The following TCF12 variants were observed in gnomAD, a reference collection of about 807,000 sequenced individuals.
TCF12 encodes DNA-binding protein HTF4.
A neutral mutation model predicts 86.0 loss-of-function variants in TCF12; 45 were observed. That is an observed-to-expected ratio of 0.52 (90% CI 0.41 to 0.67). The LOEUF is 0.67. TCF12 is among the 30% of genes least tolerant of loss of function. The pLI is 0.00. For synonymous variants in TCF12, 330 were observed against 299.6 expected, an observed-to-expected ratio of 1.10 and a Z score of -1.05; for missense variants, 881 against 859.9, an observed-to-expected ratio of 1.02 and a Z score of -0.31.
intron 3 of TCF12, among the ~76,000 whole-genome samples, chr15:56,988,947 A>G (rs771050253): frequency 6.6e-6 from 1 of 152,160 alleles, no homozygotes; most frequent in Non-Finnish European, 1.5e-5. Flanking sequence ...TTTTTGGTCT[A>G]TATTTTCTTT....
At chr15:57,102,728 G>A (rs1460000060) in intron 5 of TCF12, among the ~76,000 whole-genome samples, 1 of 152,148 alleles carries the variant, frequency 6.6e-6, no homozygotes, top group Non-Finnish European at 1.5e-5. Flanking sequence ...AAAGTTTCTG[G>A]AGCTATACTG....
intron 18 of TCF12, among the ~76,000 whole-genome samples, chr15:57,272,075 C>A (rs1405476996): frequency 6.6e-6 from 1 of 152,148 alleles, no homozygotes; most frequent in African/African-American, 2.4e-5. Flanking sequence ...TGTATGTGAT[C>A]TTTCATGACT....
intron 8 of TCF12, among the ~76,000 whole-genome samples, chr15:57,209,541 A>G (rs2058016010): frequency 1.3e-5 from 2 of 152,222 alleles, no homozygotes; most frequent in South Asian, 4.1e-4. Flanking sequence ...CTCTTACTAG[A>G]ATTCTCTTCA....
At chr15:56,929,452 A>G (rs1284763908) in intron 3 of TCF12, among the ~76,000 whole-genome samples, 3 of 152,216 alleles carry the variant, frequency 2.0e-5, no homozygotes, top group African/African-American at 7.2e-5. Context: ...CCTTGACTTG[A>G]AAAGAAAATG....
intron 18 of TCF12, among the ~76,000 whole-genome samples, chr15:57,264,889 C>T (rs993544555): frequency 1.4e-4 from 22 of 151,964 alleles, no homozygotes; most frequent in Non-Finnish European, 2.9e-4. Context: ...GCCACCATGC[C>T]CGGCGAATTT....
chr15:57,159,715 A>ATACAAAC (rs11281583), intron 5 of TCF12, among the ~76,000 whole-genome samples: 3 of 152,046 alleles, frequency 2.0e-5, no homozygotes, highest in South Asian at 2.1e-4. Context: ...AACCAGTCTA[A>ATACAAAC]TACTTAAATT....
At chr15:57,120,783 G>A (rs1268122122) in intron 5 of TCF12, among the ~76,000 whole-genome samples, 1 of 152,196 alleles carries the variant, frequency 6.6e-6, no homozygotes, top group Non-Finnish European at 1.5e-5. Context: ...GTAGGAAAGT[G>A]AGACATTCTT....
intron 3 of TCF12, among the ~76,000 whole-genome samples, chr15:56,929,936 T>G (rs1247345976): frequency 6.6e-6 from 1 of 152,168 alleles, no homozygotes; most frequent in Non-Finnish European, 1.5e-5. Context: ...CAAATGGAAG[T>G]CTCTCTGGAG....
At chr15:57,217,064 C>T (rs376596282) in intron 8 of TCF12, among the ~76,000 whole-genome samples, 2 of 151,852 alleles carry the variant, frequency 1.3e-5, no homozygotes, top group African/African-American at 2.4e-5. Flanking sequence ...CAAGTGACTA[C>T]GGTTTGTATT....
chr15:57,143,157 C>A (rs1184999852), intron 5 of TCF12, among the ~76,000 whole-genome samples: 1 of 136,650 alleles, frequency 7.3e-6, no homozygotes. Context: ...GTGCCCCCCC[C>A]CACCAAAAAA....
intron 2 of TCF12, 27 bp from the exon 3 acceptor site, chr15:56,920,999 A>G (rs770421699): frequency 1.3e-6 from 2 of 1,561,700 alleles, no homozygotes; most frequent in Non-Finnish European, 1.7e-6. Flanking sequence ...TTTCAGGACT[A>G]ACAGATATAT....
At chr15:57,014,595 G>T (rs1316538545) in intron 3 of TCF12, among the ~76,000 whole-genome samples, 1 of 152,094 alleles carries the variant, frequency 6.6e-6, no homozygotes, top group Non-Finnish European at 1.5e-5. Context: ...GAAAATTCCT[G>T]GGCATGATGT....
At chr15:57,104,441 T>TC (rs1249885018) in intron 5 of TCF12, among the ~76,000 whole-genome samples, 19 of 57,656 alleles carry the variant, frequency 3.3e-4, no homozygotes, top group Non-Finnish European at 3.2e-4. Flanking sequence ...TTTTCTTTTT[T>TC]TTTTTTTTTT....
intron 3 of TCF12, among the ~76,000 whole-genome samples, chr15:57,016,134 A>G (rs2065142290): frequency 6.6e-6 from 1 of 152,202 alleles, no homozygotes; most frequent in African/African-American, 2.4e-5. Context: ...TCATCCGGTT[A>G]GGATAGGTAT....
At chr15:57,219,737 T>G in intron 8 of TCF12, 1 of 694,686 alleles carries the variant, frequency 1.4e-6, no homozygotes, top group Non-Finnish European at 2.2e-6. Context: ...TTTTTTTTTT[T>G]TGCGGGGGGA....
chr15:57,273,851 C>T (rs1190400308), intron 19 of TCF12, among the ~76,000 whole-genome samples: 2 of 152,120 alleles, frequency 1.3e-5, no homozygotes, highest in Admixed American at 6.5e-5. Context: ...CAAAAGAGCT[C>T]ACCCAGTGCT....
intron 3 of TCF12, among the ~76,000 whole-genome samples, chr15:56,946,791 A>G (rs2061017274): frequency 1.4e-5 from 2 of 143,138 alleles, no homozygotes; most frequent in African/African-American, 5.0e-5. Flanking sequence ...GAGTGAGTCT[A>G]AAGTACCTTT....
chr15:57,081,190 T>TA (rs1457507737), intron 4 of TCF12, among the ~76,000 whole-genome samples: 4 of 152,238 alleles, frequency 2.6e-5, no homozygotes, highest in African/African-American at 9.6e-5. Flanking sequence ...CCTTTATTCT[T>TA]ATGAATTACT....
intron 19 of TCF12, among the ~76,000 whole-genome samples, chr15:57,281,104 CT>C (rs5812880): frequency 0.3 from 39,591 of 133,648 alleles, 7,120 homozygotes; most frequent in African/African-American, 0.56. Context: ...GCACCCTATT[CT>C]TTTTTTTTTT....
Sources: gnomAD v4.1 joint callset for allele counts (sites outside exome capture counted in the v4.1 genomes callset) on GRCh38, gnomAD v4.1.1 for gene constraint, MANE v1.5 for transcripts, NCBI Gene and HGNC (gene_info 2026-07-23, HGNC 2026-07-21) for gene names.